The following ANKS1B variants were observed in gnomAD, a reference collection of about 807,000 sequenced individuals.
ANKS1B encodes ankyrin repeat and sterile alpha motif domain-containing protein 1B.
Under a neutral mutation model 148.3 loss-of-function variants are expected in ANKS1B, and 36 were observed. The observed-to-expected ratio is 0.24, with a 90% CI of 0.19 to 0.32. ANKS1B has a LOEUF of 0.32. Among genes scored for constraint, ANKS1B ranks in the 10% least tolerant of loss-of-function variants. The pLI, the probability that ANKS1B is intolerant of heterozygous loss-of-function variation, is 1.00. For synonymous variants in ANKS1B, 542 were observed against 560.8 expected (o/e 0.97, Z 0.47); for missense variants, 1,157 against 1,542.6 (o/e 0.75, Z 4.19).
At chr12:98,804,959 T>C (rs1046319991) in intron 20 of ANKS1B, among the ~76,000 whole-genome samples, 10 of 152,206 alleles carry the variant, frequency 6.6e-5, no homozygotes, top group Non-Finnish European at 1.3e-4. Flanking sequence ...TCAAAGCTTA[T>C]TTTTAATGAA....
chr12:98,800,436 G>C (rs1233878268), intron 21 of ANKS1B, among the ~76,000 whole-genome samples: 2 of 151,876 alleles, frequency 1.3e-5, no homozygotes, highest in African/African-American at 4.8e-5. Flanking sequence ...ACCACCACCT[G>C]ACCCAAAACC....
intron 9 of ANKS1B, chr12:99,648,858 C>G: frequency 6.6e-7 from 1 of 1,504,860 alleles, no homozygotes; most frequent in Non-Finnish European, 8.9e-7. Context: ...TCCTGTAAAG[C>G]CTTTGGTGCT....
intron 14 of ANKS1B, among the ~76,000 whole-genome samples, chr12:99,203,599 C>T (rs1487585827): frequency 4.6e-5 from 7 of 151,864 alleles, no homozygotes; most frequent in East Asian, 1.9e-4. Flanking sequence ...TACAGGTGCC[C>T]GCCACCAAGC....
chr12:99,615,519 T>C (rs2097948499), intron 9 of ANKS1B, among the ~76,000 whole-genome samples: 2 of 152,098 alleles, frequency 1.3e-5, no homozygotes, highest in African/African-American at 4.8e-5. Flanking sequence ...ATCCATCACA[T>C]AAACAGAACC....
intron 1 of ANKS1B, among the ~76,000 whole-genome samples, chr12:99,862,940 G>A (rs979276535): frequency 2.6e-5 from 4 of 152,094 alleles, no homozygotes; most frequent in African/African-American, 9.7e-5. Flanking sequence ...ATGTCCCCAG[G>A]GAGCTCACCC....
intron 11 of ANKS1B, among the ~76,000 whole-genome samples, chr12:99,422,596 T>C (rs1368073976): frequency 6.6e-6 from 1 of 152,132 alleles, no homozygotes; most frequent in Non-Finnish European, 1.5e-5. Flanking sequence ...GCCGTAATCC[T>C]GATGTTTACA....
At chr12:99,066,533 G>A (rs1565862831) in intron 16 of ANKS1B, among the ~76,000 whole-genome samples, 1 of 152,148 alleles carries the variant, frequency 6.6e-6, no homozygotes, top group East Asian at 1.9e-4. Context: ...TATAAGACCT[G>A]GCAAGGATTG....
intron 17 of ANKS1B, among the ~76,000 whole-genome samples, chr12:98,945,505 C>CAAAAAA (rs3051086): frequency 0.035 from 1,033 of 29,656 alleles, 28 homozygotes; most frequent in Admixed American, 0.076. Flanking sequence ...AACAAACAAA[C>CAAAAAA]AAAAAAAAAA....
At chr12:99,459,547 T>A (rs2095911196) in intron 10 of ANKS1B, among the ~76,000 whole-genome samples, 1 of 151,900 alleles carries the variant, frequency 6.6e-6, no homozygotes, top group African/African-American at 2.4e-5. Flanking sequence ...AACTGGTAAA[T>A]GAATTCAGCA....
At chr12:99,254,570 C>T (rs1392692109) in intron 12 of ANKS1B, among the ~76,000 whole-genome samples, 1 of 152,156 alleles carries the variant, frequency 6.6e-6, no homozygotes, top group Non-Finnish European at 1.5e-5. Context: ...ACCTATGCTA[C>T]TGCACTGCAA....
intron 12 of ANKS1B, among the ~76,000 whole-genome samples, chr12:99,311,639 G>A (rs2083187299): frequency 6.6e-6 from 1 of 152,098 alleles, no homozygotes; most frequent in Non-Finnish European, 1.5e-5. Flanking sequence ...TGCCCAGGAA[G>A]CTGGATTAAT....
chr12:99,137,651 C>T (rs914758050), intron 15 of ANKS1B, among the ~76,000 whole-genome samples: 2 of 152,112 alleles, frequency 1.3e-5, no homozygotes, highest in Admixed American at 1.3e-4. Context: ...TGTATTTCCT[C>T]TTTTCATTTT....
At chr12:99,328,806 G>C (rs2086964359) in intron 12 of ANKS1B, among the ~76,000 whole-genome samples, 1 of 151,890 alleles carries the variant, frequency 6.6e-6, no homozygotes, top group Non-Finnish European at 1.5e-5. Context: ...ACAGATGTTA[G>C]AATTGGCATA....
intron 17 of ANKS1B, among the ~76,000 whole-genome samples, chr12:98,967,038 G>T (rs2099878698): frequency 6.6e-6 from 1 of 151,726 alleles, no homozygotes; most frequent in Admixed American, 6.6e-5. Flanking sequence ...TAAAGTATAA[G>T]AATAAAAAAA....
At chr12:99,785,219 TTTC>T (rs1252414752) in intron 4 of ANKS1B, among the ~76,000 whole-genome samples, 1 of 151,692 alleles carries the variant, frequency 6.6e-6, no homozygotes, top group Non-Finnish European at 1.5e-5. Context: ...TTTCATTCTT[TTTC>T]TTCTTCTCTC....
chr12:99,737,732 TC>T (rs2059743384), intron 8 of ANKS1B, among the ~76,000 whole-genome samples: 1 of 152,034 alleles, frequency 6.6e-6, no homozygotes, highest in South Asian at 2.1e-4. Context: ...TTTTCCTATT[TC>T]CCCCCTACCT....
At position 99,824,132 on chromosome 12, in the gene ANKS1B, A is replaced by G. The variant is rs80099227; in HGVS notation, c.215+1177T>C. Among the ~76,000 whole-genome samples the G allele has an allele frequency of 7.3e-3, 1,110 of 152,244 alleles. 11 individuals are homozygous for G. Among genetic ancestry groups the G allele is most frequent in the African/African-American group, 0.025 (1,052 of 41,538 alleles). On this transcript the variant is annotated intron_variant, in intron 2 of 26. Transcript: ENST00000683438. ...TAGTTTTTTCCTAGTTCTGTGAAAA[A>G]TGACATTAGTAATTTGATAGGAATA...
Position 99,319,714 on chromosome 12 carries a change from T to C in ANKS1B, c.1757-72850A>G, listed in dbSNP as rs117501601. On this transcript the variant is annotated intron_variant, in intron 12 of 26. Transcript: ENST00000683438. ...ATTGTTATGTGTGAATTTGACCATGTCACTATGATGTTAGCTGGTTATTTT... is the reference window on the plus strand; with the variant it reads ...ATTGTTATGTGTGAATTTGACCATGCCACTATGATGTTAGCTGGTTATTTT... Among the ~76,000 whole-genome samples the C allele has an allele frequency of 3.5e-3, 528 of 152,348 alleles. 32 individuals carry two copies. The East Asian group carries it at 0.083, about 24-fold the overall frequency.
intron 17 of ANKS1B, among the ~76,000 whole-genome samples, chr12:98,883,257 T>C (rs1299500403): frequency 6.6e-6 from 1 of 152,198 alleles, no homozygotes; most frequent in Admixed American, 6.5e-5. Flanking sequence ...AGATTGTGCA[T>C]AAAATCTCTC....
Sources: gnomAD v4.1 joint callset for allele counts (sites outside exome capture counted in the v4.1 genomes callset) on GRCh38, gnomAD v4.1.1 for gene constraint, MANE v1.5 for transcripts, NCBI Gene and HGNC (gene_info 2026-07-23, HGNC 2026-07-21) for gene names.